KAZN: variants seen among roughly 807,000 people sequenced by gnomAD.
KAZN encodes kazrin.
KAZN carries 40 observed loss-of-function variants against 87.4 expected under a neutral mutation model. The observed-to-expected ratio is 0.46, with a 90% confidence interval of 0.36 to 0.60. The LOEUF (loss-of-function observed/expected upper bound fraction) is 0.60, where lower values mean the gene tolerates loss of function less well. KAZN is among the 20% of genes least tolerant of loss of function. The pLI is 0.00. For missense variants in KAZN, 898 were observed against 1,073.9 expected, an observed-to-expected ratio of 0.84 and a Z score of 2.29; for synonymous variants, 466 against 458.3, an observed-to-expected ratio of 1.02 and a Z score of -0.22.
chr1:14,022,562 TTA>T (rs147157209), intron 1 of KAZN, among the ~76,000 whole-genome samples: 3,867 of 151,256 alleles, frequency 0.026, 169 homozygotes, highest in African/African-American at 0.088. Flanking sequence ...ACTGTGGATT[TTA>T]TATGTCGTAT....
At chr1:14,717,091 C>T (rs1572300482) in intron 1 of KAZN, among the ~76,000 whole-genome samples, 2 of 150,284 alleles carry the variant, frequency 1.3e-5, no homozygotes, top group Middle Eastern at 6.8e-3. Flanking sequence ...TGAGCGCTCT[C>T]TCCCCTAGGC....
intron 1 of KAZN, among the ~76,000 whole-genome samples, chr1:14,875,208 G>C (rs186633074): frequency 2.0e-5 from 3 of 151,944 alleles, no homozygotes. Flanking sequence ...GTGCATGCCT[G>C]TAATCCCGGC....
chr1:14,883,431 G>T (rs765698878), intron 1 of KAZN, among the ~76,000 whole-genome samples: 1 of 147,100 alleles, frequency 6.8e-6, no homozygotes, highest in Non-Finnish European at 1.5e-5. Flanking sequence ...AAGAAAAGCG[G>T]TTCTTGAGCT....
intron 1 of KAZN, among the ~76,000 whole-genome samples, chr1:14,880,560 A>T (rs1653228595): frequency 6.6e-6 from 1 of 152,124 alleles, no homozygotes; most frequent in South Asian, 2.1e-4. Context: ...GAGGAATCAA[A>T]TGGTTGGGGG....
At chr1:14,886,523 G>A (rs922732828) in intron 1 of KAZN, among the ~76,000 whole-genome samples, 1 of 152,068 alleles carries the variant, frequency 6.6e-6, no homozygotes, top group Non-Finnish European at 1.5e-5. Flanking sequence ...CAGGCGTGGT[G>A]GCTCACGCCT....
chr1:14,146,249 G>A (rs1017223957), intron 1 of KAZN, among the ~76,000 whole-genome samples: 2 of 151,468 alleles, frequency 1.3e-5, no homozygotes, highest in Non-Finnish European at 2.9e-5. Context: ...AATGAAAGAT[G>A]TGGGGCCAGG....
chr1:14,022,215 A>G (rs1640861596), intron 1 of KAZN, among the ~76,000 whole-genome samples: 1 of 151,930 alleles, frequency 6.6e-6, no homozygotes, highest in African/African-American at 2.4e-5. Flanking sequence ...TTTATACATG[A>G]CAAAAATTGA....
At chr1:15,040,535 G>A (rs1370009901) in intron 3 of KAZN, among the ~76,000 whole-genome samples, 3 of 152,314 alleles carry the variant, frequency 2.0e-5, no homozygotes, top group South Asian at 4.1e-4. Context: ...GGAGGCTGAG[G>A]CAGACAGATC....
intron 2 of KAZN, among the ~76,000 whole-genome samples, chr1:14,195,223 C>T (rs983457389): frequency 1.3e-5 from 2 of 152,094 alleles, no homozygotes; most frequent in African/African-American, 4.8e-5. Flanking sequence ...TTCTTCAAGG[C>T]TGTTCCTTCT....
chr1:14,784,912 A>G (rs147775574), intron 1 of KAZN, among the ~76,000 whole-genome samples: 6 of 152,226 alleles, frequency 3.9e-5, no homozygotes, highest in Non-Finnish European at 8.8e-5. Context: ...CCGAATCGGA[A>G]ATACATAGTT....
At position 14,998,304 on chromosome 1, in the gene KAZN, G is replaced by A. The variant is rs551033917; in HGVS notation, c.419-36445G>A. On this transcript the variant is annotated intron_variant, in intron 2 of 14. Coordinates refer to ENST00000376030, the MANE Select transcript of KAZN (RefSeq NM_201628.3). ...ATATGGGAGCCTGGGCCTTCTCTGC[G>A]TCTTCTGTCTGCATCAACTCAAATA... Among the ~76,000 whole-genome samples the A allele has an allele frequency of 3.9e-5, 6 of 152,252 alleles. No individual in the cohort carries two copies. In the South Asian group the frequency reaches 6.2e-4, roughly 16 times the overall value.
At chr1:14,168,965 C>T (rs1645891995) in intron 1 of KAZN, among the ~76,000 whole-genome samples, 1 of 152,182 alleles carries the variant, frequency 6.6e-6, no homozygotes. Context: ...ACCATCACCT[C>T]CCTCTGAGCA....
chr1:15,017,758 T>C (rs1192747432), intron 2 of KAZN, among the ~76,000 whole-genome samples: 2 of 151,758 alleles, frequency 1.3e-5, no homozygotes, highest in African/African-American at 4.8e-5. Flanking sequence ...CAGCTGAGAT[T>C]GCACCATTGC....
At chr1:14,938,536 C>G (rs1431486635) in intron 1 of KAZN, among the ~76,000 whole-genome samples, 1 of 122,102 alleles carries the variant, frequency 8.2e-6, no homozygotes, top group Admixed American at 8.0e-5. Flanking sequence ...GAGGGAAACT[C>G]CATCTCAAAA....
In KAZN at chr1:14,386,448, G is replaced by A. The variant is rs1455698186; in HGVS notation, c.249+205856G>A. 2.0e-5 allele frequency among the ~76,000 whole-genome samples: 3 copies of A among 151,846 alleles called. No homozygotes were observed. In the East Asian group the frequency reaches 5.8e-4, roughly 29 times the overall value. On this transcript the variant is annotated intron_variant, in intron 2 of 16. Transcript: ENST00000636203. ...TTTTGGCATGATTTTGCAGTGGCTG[G>A]TACCAGTTGTTCCTTTCCATGTTTA...
intron 1 of KAZN, among the ~76,000 whole-genome samples, chr1:14,925,643 C>T (rs1238966038): frequency 6.6e-6 from 1 of 152,214 alleles, no homozygotes; most frequent in Admixed American, 6.5e-5. Context: ...CATAATACCT[C>T]TCCCAGGCAG....
chr1:14,695,743 A>G (rs567981179), intron 1 of KAZN, among the ~76,000 whole-genome samples: 4 of 151,664 alleles, frequency 2.6e-5, no homozygotes, highest in South Asian at 4.2e-4. Context: ...TGACCTCATG[A>G]TCCACCCATC....
intron 2 of KAZN, among the ~76,000 whole-genome samples, chr1:14,255,853 T>G (rs1299909815): frequency 1.3e-5 from 2 of 152,180 alleles, no homozygotes; most frequent in Non-Finnish European, 2.9e-5. Flanking sequence ...AAAGTAACAA[T>G]TTGAACCAAG....
chr1:14,132,293 G>T (rs1385704770), intron 1 of KAZN, among the ~76,000 whole-genome samples: 1 of 152,168 alleles, frequency 6.6e-6, no homozygotes, highest in African/African-American at 2.4e-5. Flanking sequence ...CTAGGGTCAG[G>T]GGGTAGGCTT....
Sources: allele counts gnomAD v4.1 joint callset (sites outside exome capture counted in the v4.1 genomes callset), GRCh38; gene constraint gnomAD v4.1.1; transcripts MANE v1.5; gene names NCBI Gene and HGNC (gene_info 2026-07-23, HGNC 2026-07-21).